DOCK7: variants seen among roughly 807,000 people sequenced by gnomAD.
DOCK7 encodes the protein dedicator of cytokinesis protein 7.
A neutral mutation model predicts 271.0 loss-of-function variants in DOCK7; 138 were observed. The ratio of observed to expected loss-of-function variants is 0.51; its 90% CI spans 0.44 to 0.59. DOCK7 has a LOEUF of 0.59. DOCK7 is among the 20% of genes least tolerant of loss of function. The probability of loss-of-function intolerance (pLI) is 0.00; values close to 1 mark genes in which losing one functional copy is unlikely to be tolerated. For synonymous variants in DOCK7, 823 were observed against 876.1 expected, an observed-to-expected ratio of 0.94 and a Z score of 1.07; for missense variants, 2,066 against 2,592.4, an observed-to-expected ratio of 0.80 and a Z score of 4.41.
In DOCK7 at chr1:62,583,256, T is replaced by C; in HGVS notation, c.1801-2A>G. The stretch of plus-strand genomic sequence containing the variant: ...ACAGCTAGATTTACCAAAGATTACC[T>C]GAAACAAATAACAGCATGTTGAAAC... On this transcript the variant is annotated splice_acceptor_variant, in intron 15 of 49. Coordinates refer to ENST00000635253, the MANE Select transcript of DOCK7 (RefSeq NM_001367561.1). LOFTEE classifies it high-confidence loss of function. 1.2e-6 allele frequency: 2 copies of C among 1,611,960 alleles called. No homozygotes were observed. The highest frequency in any genetic ancestry group is 1.7e-6 in the Non-Finnish European group (2 of 1,178,500).
At chr1:62,578,582 C>T (rs1647008357) in intron 17 of DOCK7, among the ~76,000 whole-genome samples, 1 of 151,826 alleles carries the variant, frequency 6.6e-6, no homozygotes, top group Non-Finnish European at 1.5e-5. Flanking sequence ...ATTAGTTGGA[C>T]ATGGTGGCGG....
intron 14 of DOCK7, chr1:62,598,713 A>G: frequency 6.2e-7 from 1 of 1,608,668 alleles, no homozygotes; most frequent in South Asian, 1.1e-5. Flanking sequence ...TAGAAAAACA[A>G]GATAATAGCA....
At chr1:62,682,657 T>C (rs1056115831) in intron 1 of DOCK7, among the ~76,000 whole-genome samples, 1 of 152,146 alleles carries the variant, frequency 6.6e-6, no homozygotes, top group Non-Finnish European at 1.5e-5. Flanking sequence ...CACAACTATA[T>C]AGCCCAAGGA....
intron 22 of DOCK7, among the ~76,000 whole-genome samples, chr1:62,546,287 T>C (rs181400715): frequency 2.0e-5 from 3 of 152,224 alleles, no homozygotes; most frequent in African/African-American, 7.2e-5. Context: ...GAGAAAATTT[T>C]AAAAAGAAAA....
intron 2 of DOCK7, among the ~76,000 whole-genome samples, chr1:62,654,846 G>A (rs1657801535): frequency 2.0e-5 from 3 of 152,162 alleles, no homozygotes; most frequent in African/African-American, 7.2e-5. Flanking sequence ...ATGAAAAAGA[G>A]AGAGATTTGA....
chr1:62,498,951 G>A (rs528227133), intron 37 of DOCK7, among the ~76,000 whole-genome samples: 1 of 152,040 alleles, frequency 6.6e-6, no homozygotes, highest in South Asian at 2.1e-4. Flanking sequence ...ACAGGCGCCC[G>A]CCACCATGCT....
At chr1:62,556,773 T>C (rs1646157728) in intron 20 of DOCK7, among the ~76,000 whole-genome samples, 1 of 152,158 alleles carries the variant, frequency 6.6e-6, no homozygotes, top group African/African-American at 2.4e-5. Context: ...TGAGGCCAAT[T>C]AAGTTTTCCC....
intron 14 of DOCK7, among the ~76,000 whole-genome samples, chr1:62,594,167 T>C (rs1299956702): frequency 6.6e-6 from 1 of 152,130 alleles, no homozygotes. Context: ...CAGGGTTCTA[T>C]TTAAATAGGC....
rs117679062 is a variant in DOCK7 at position 62,674,703 on chromosome 1, T to C, written c.39-11573A>G. Among the ~76,000 whole-genome samples the C allele has an allele frequency of 6.6e-4, 100 of 152,280 alleles. 2 individuals carry two copies. In the East Asian group the frequency reaches 0.017, roughly 25 times the overall value. ...TGACAATGGTGCCAAGGCAATTCAA[T>C]TGGACAAAAGTATTCTTTTCAACAG... On this transcript the variant is annotated intron_variant, in intron 1 of 49. Transcript: ENST00000635253.
intron 14 of DOCK7, chr1:62,603,961 C>T: frequency 6.2e-7 from 1 of 1,612,186 alleles, no homozygotes; most frequent in Non-Finnish European, 8.5e-7. Flanking sequence ...TAAAACTTTT[C>T]TTTTCAGGAG....
chr1:62,549,806 T>G (rs1645834527), intron 22 of DOCK7, among the ~76,000 whole-genome samples: 1 of 152,156 alleles, frequency 6.6e-6, no homozygotes, highest in African/African-American at 2.4e-5. Flanking sequence ...CTATCTCCAT[T>G]TCCCTCCTAA....
intron 2 of DOCK7, among the ~76,000 whole-genome samples, chr1:62,661,511 T>A (rs1479864399): frequency 6.6e-6 from 1 of 152,034 alleles, no homozygotes; most frequent in Non-Finnish European, 1.5e-5. Context: ...TATAAATATT[T>A]TTTTAAATTC....
chr1:62,588,085 A>G (rs907336832), intron 14 of DOCK7, among the ~76,000 whole-genome samples: 1 of 152,228 alleles, frequency 6.6e-6, no homozygotes. Flanking sequence ...GTCAAAACAT[A>G]TAAAAGGCAA....
intron 48 of DOCK7, among the ~76,000 whole-genome samples, chr1:62,469,451 G>T (rs1025405268): frequency 7.2e-5 from 11 of 152,094 alleles, no homozygotes; most frequent in Admixed American, 6.6e-4. Context: ...TCTAATACCT[G>T]AAACTATAAC....
intron 18 of DOCK7, among the ~76,000 whole-genome samples, chr1:62,576,952 A>T (rs1335233221): frequency 1.3e-5 from 2 of 152,198 alleles, no homozygotes; most frequent in African/African-American, 4.8e-5. Flanking sequence ...TCATTTATTT[A>T]AAGAAGTTTC....
intron 18 of DOCK7, among the ~76,000 whole-genome samples, chr1:62,572,996 T>C (rs1646832767): frequency 6.6e-6 from 1 of 152,216 alleles, no homozygotes; most frequent in African/African-American, 2.4e-5. Context: ...ATTTGGTATA[T>C]AAATTATTCC....
intron 31 of DOCK7, among the ~76,000 whole-genome samples, chr1:62,520,539 C>T (rs1263733672): frequency 2.0e-5 from 3 of 152,100 alleles, no homozygotes; most frequent in Non-Finnish European, 4.4e-5. Context: ...AAATCAAAAC[C>T]ACAATGAGAT....
rs1645947525 is a variant in DOCK7 at position 62,475,610 on chromosome 1, T to C, written c.5961+97A>G. On this transcript the variant is annotated intron_variant, in intron 46 of 49. Transcript: ENST00000635253. Reference sequence around the variant, plus strand: ...GGTAAAGTTCTAATATGTTATGGTATAAGGGATGGTACATATCTTCTGGTA... The same window carrying C: ...GGTAAAGTTCTAATATGTTATGGTACAAGGGATGGTACATATCTTCTGGTA... 2.5e-6 allele frequency: 3 copies of C among 1,212,186 alleles called. No individual in the cohort carries two copies. In the South Asian group the frequency reaches 4.1e-5, roughly 17 times the overall value. 75.1% of individuals were successfully genotyped at this position (1,212,186 alleles called of 1,614,324 possible).
chr1:62,483,209 T>TTTTTTTTTTTTTTTTTTTTTTTTTTTG lies in DOCK7; in HGVS notation c.5508+4188_5508+4189insCAAAAAAAAAAAAAAAAAAAAAAAAAA, dbSNP rs1217235928. Reference sequence around the variant, plus strand: ...TTTTTTTTTTTTTTTTTTTTTTTTTTTTGGGTAGAGATGAGATCTCAGTGT... The same window carrying TTTTTTTTTTTTTTTTTTTTTTTTTTTG: ...TTTTTTTTTTTTTTTTTTTTTTTTTTTTTTTTTTTTTTTTTTTTTTTTTTTTGTTGGGTAGAGATGAGATCTCAGTGT... On this transcript the variant is annotated intron_variant, in intron 43 of 49. Coordinates refer to ENST00000635253, the MANE Select transcript of DOCK7 (RefSeq NM_001367561.1). The TTTTTTTTTTTTTTTTTTTTTTTTTTTG allele has an allele frequency of 9.5e-4, 71 of 74,446 alleles. 19 individuals are homozygous for TTTTTTTTTTTTTTTTTTTTTTTTTTTG. The highest frequency in any genetic ancestry group is 9.6e-3 in the Middle Eastern group (1 of 104). The allele number at this position is 74,446 out of a possible 1,614,324, so 4.6% of individuals were successfully genotyped here. A position where few individuals can be genotyped will look rare whatever the true frequency, so the allele number is the denominator to read the frequency against.
Sources: allele counts gnomAD v4.1 joint callset (sites outside exome capture counted in the v4.1 genomes callset), GRCh38; gene constraint gnomAD v4.1.1; transcripts MANE v1.5; gene names NCBI Gene and HGNC (gene_info 2026-07-23, HGNC 2026-07-21).